The following NBEA variants were observed in gnomAD, a reference collection of about 807,000 sequenced individuals.
The protein encoded by NBEA is neurobeachin, also known as lysosomal-trafficking regulator 2.
Under a neutral mutation model 343.4 loss-of-function variants are expected in NBEA, and 44 were observed. The ratio of observed to expected loss-of-function variants is 0.13; its 90% CI spans 0.10 to 0.16. The LOEUF (loss-of-function observed/expected upper bound fraction) is 0.16. Among genes scored for constraint, NBEA ranks in the 10% least tolerant of loss-of-function variants. The pLI is 1.00. For missense variants in NBEA, 2,555 were observed against 3,631.3 expected (o/e 0.70, Z 7.62); for synonymous variants, 1,175 against 1,238.7 (o/e 0.95, Z 1.08).
chr13:35,566,755 C>A, intron 44 of NBEA, 150 bp from the exon 45 acceptor site: 1 of 510,904 alleles, frequency 2.0e-6, no homozygotes, highest in Non-Finnish European at 3.5e-6. Flanking sequence ...AGTGAATTCC[C>A]TTGAAATGCA....
At chr13:35,636,581 C>G (rs1156246097) in intron 49 of NBEA, among the ~76,000 whole-genome samples, 1 of 152,184 alleles carries the variant, frequency 6.6e-6, no homozygotes, top group African/African-American at 2.4e-5. Flanking sequence ...GCCACCACTT[C>G]TCTCTCGTTC....
At chr13:35,492,593 T>C (rs752745637) in intron 41 of NBEA, among the ~76,000 whole-genome samples, 1 of 151,922 alleles carries the variant, frequency 6.6e-6, no homozygotes, top group Non-Finnish European at 1.5e-5. Context: ...AGATAAACTC[T>C]ACACAATTAT....
chr13:35,636,360 A>G (rs2083689806), intron 49 of NBEA, among the ~76,000 whole-genome samples: 1 of 152,194 alleles, frequency 6.6e-6, no homozygotes, highest in Non-Finnish European at 1.5e-5. Context: ...CATTTATGTC[A>G]AAATCAAGAA....
rs199707969 is a variant in NBEA, at chr13:35,177,698, T to TA, written c.4662+596dup. ...CCTTTTCAAAAATTGCATAGAAACA[T>TA]ATATGGTGTTTCACATCAGATTCAA... On this transcript the variant is annotated intron_variant, in intron 28 of 58. Coordinates refer to ENST00000379939, the MANE Select transcript of NBEA (RefSeq NM_001385012.1). 9.2e-3 allele frequency among the ~76,000 whole-genome samples: 1,398 copies of TA among 151,890 alleles called. 18 individuals carry two copies. Among genetic ancestry groups the TA allele is most frequent in the African/African-American group, 0.032 (1,319 of 41,522 alleles).
chr13:35,256,928 C>T (rs1380204224), intron 34 of NBEA, among the ~76,000 whole-genome samples: 1 of 152,180 alleles, frequency 6.6e-6, no homozygotes, highest in East Asian at 1.9e-4. Context: ...TGCAGTTGCA[C>T]CCGGGAGCCT....
chr13:35,547,682 G>A (rs2079122686), intron 41 of NBEA, among the ~76,000 whole-genome samples: 1 of 152,118 alleles, frequency 6.6e-6, no homozygotes, highest in Non-Finnish European at 1.5e-5. Flanking sequence ...GAGATCAGGA[G>A]TTCGAGACCA....
At chr13:35,335,031 A>G (rs61949062) in intron 36 of NBEA, among the ~76,000 whole-genome samples, 1,604 of 152,194 alleles carry the variant, frequency 0.011, 20 homozygotes, top group Non-Finnish European at 0.015. Flanking sequence ...TGATTTTTAT[A>G]TATGATGAGG....
At chr13:35,065,729 G>C (rs2063626714) in intron 8 of NBEA, among the ~76,000 whole-genome samples, 1 of 151,954 alleles carries the variant, frequency 6.6e-6, no homozygotes, top group Non-Finnish European at 1.5e-5. Flanking sequence ...AAAGCTACAA[G>C]CACTATCCCA....
At chr13:35,400,155 T>C (rs2042929709) in intron 38 of NBEA, among the ~76,000 whole-genome samples, 1 of 132,292 alleles carries the variant, frequency 7.6e-6, no homozygotes, top group Non-Finnish European at 1.5e-5. Context: ...ATGTCACGGA[T>C]AGATTTGCTA....
At chr13:34,951,451 G>A (rs117303115) in intron 1 of NBEA, among the ~76,000 whole-genome samples, 6,957 of 152,152 alleles carry the variant, frequency 0.046, 238 homozygotes, top group Non-Finnish European at 0.067. Context: ...TTATTACCTT[G>A]GTCCTGAGAA....
At chr13:35,065,860 C>A (rs2063632011) in intron 8 of NBEA, among the ~76,000 whole-genome samples, 1 of 151,976 alleles carries the variant, frequency 6.6e-6, no homozygotes, top group Admixed American at 6.6e-5. Flanking sequence ...TCTAACATCC[C>A]AGTTTGGACA....
At chr13:35,071,002 A>T in intron 10 of NBEA, 150 bp downstream of exon 10, 1 of 691,598 alleles carries the variant, frequency 1.4e-6, no homozygotes, top group Non-Finnish European at 2.1e-6. Flanking sequence ...GGAGATAGAT[A>T]TTTATACAAT....
At chr13:35,589,845 G>A (rs866188542) in intron 46 of NBEA, among the ~76,000 whole-genome samples, 8 of 152,060 alleles carry the variant, frequency 5.3e-5, no homozygotes, top group African/African-American at 1.7e-4. Flanking sequence ...AAAAGGGTTG[G>A]AAGATATGAA....
intron 34 of NBEA, among the ~76,000 whole-genome samples, chr13:35,233,724 TC>T (rs2075090909): frequency 6.6e-6 from 1 of 152,086 alleles, no homozygotes; most frequent in Non-Finnish European, 1.5e-5. Flanking sequence ...ACGCTTTTCT[TC>T]AGATGGAGCA....
intron 43 of NBEA, among the ~76,000 whole-genome samples, chr13:35,553,064 G>A (rs1297082500): frequency 2.6e-5 from 4 of 151,870 alleles, no homozygotes; most frequent in Admixed American, 6.6e-5. Flanking sequence ...GCTAATTTTT[G>A]TATTGTTTAT....
chr13:34,980,580 G>C (rs1333736546), intron 1 of NBEA, among the ~76,000 whole-genome samples: 1 of 151,956 alleles, frequency 6.6e-6, no homozygotes, highest in Non-Finnish European at 1.5e-5. Context: ...TCCTTTGGGA[G>C]GTGATTAAGT....
chr13:35,334,006 A>T (rs693032), intron 36 of NBEA, among the ~76,000 whole-genome samples: 24,905 of 151,980 alleles, frequency 0.16, 2,345 homozygotes, highest in African/African-American at 0.26. Context: ...CAACAGACGT[A>T]AGAGTGTAGA....
chr13:35,571,021 T>C (rs1169738040), intron 45 of NBEA, among the ~76,000 whole-genome samples: 1 of 152,178 alleles, frequency 6.6e-6, no homozygotes, highest in East Asian at 1.9e-4. Flanking sequence ...TTGAATGATA[T>C]GACCAAGAAC....
At chr13:35,272,640 A>T (rs2034255846) in intron 34 of NBEA, among the ~76,000 whole-genome samples, 1 of 152,222 alleles carries the variant, frequency 6.6e-6, no homozygotes, top group African/African-American at 2.4e-5. Context: ...ACATAGGCTC[A>T]AAATAAAGGG....
Sources: gnomAD v4.1 joint callset for allele counts (sites outside exome capture counted in the v4.1 genomes callset) on GRCh38, gnomAD v4.1.1 for gene constraint, MANE v1.5 for transcripts, NCBI Gene and HGNC (gene_info 2026-07-23, HGNC 2026-07-21) for gene names.